Variants in PRH1 observed in about 807,000 individuals in gnomAD.
PRH1 encodes salivary acidic proline-rich phosphoprotein 1/2.
Under a neutral mutation model 7.9 loss-of-function variants are expected in PRH1, and 7 were observed. That is an observed-to-expected ratio of 0.89 (90% confidence interval 0.50 to 1.67). PRH1 has a LOEUF of 1.67. PRH1 is among the 40% of genes most tolerant of loss of function. The probability of loss-of-function intolerance (pLI) is 0.00; values close to 1 mark genes in which losing one functional copy is unlikely to be tolerated. For synonymous variants in PRH1, 45 were observed against 80.8 expected, an observed-to-expected ratio of 0.56 and a Z score of 2.38; for missense variants, 109 against 223.6, an observed-to-expected ratio of 0.49 and a Z score of 3.27.
At chr12:11,049,167 T>TAA, upstream of PRH1, 1 of 397,632 alleles carries the variant, frequency 2.5e-6, no homozygotes, top group Non-Finnish European at 3.6e-6. Flanking sequence ...CAAGGACACC[T>TAA]ACTAGAGCTA....
chr12:10,970,026 T>C (rs1329748527), intron 2 of PRH1, among the ~76,000 whole-genome samples: 1 of 152,162 alleles, frequency 6.6e-6, no homozygotes, highest in Non-Finnish European at 1.5e-5. Context: ...AGTCTTGAAC[T>C]CCTGACCTCA....
intron 1 of PRH1, chr12:10,997,626 T>A: frequency 6.2e-7 from 1 of 1,613,790 alleles, no homozygotes; most frequent in South Asian, 1.1e-5. Context: ...GCATTAGAAA[T>A]AAAAATTATT....
intron 2 of PRH1, among the ~76,000 whole-genome samples, chr12:10,969,117 G>A (rs1407251410): frequency 6.6e-6 from 1 of 152,214 alleles, no homozygotes; most frequent in Non-Finnish European, 1.5e-5. Context: ...AGGAAGGGGA[G>A]CTGGAAAGGG....
chr12:11,133,159 T>C, intron 1 of PRH1: 1 of 1,169,600 alleles, frequency 8.5e-7, no homozygotes, highest in Non-Finnish European at 1.1e-6. Flanking sequence ...ATATATGTAC[T>C]TTTCTAGACT....
At chr12:11,170,017 C>A (rs531516178) in intron 1 of PRH1, among the ~76,000 whole-genome samples, 1 of 152,156 alleles carries the variant, frequency 6.6e-6, no homozygotes, top group South Asian at 2.1e-4. Flanking sequence ...GTGCACGGTG[C>A]GATGTGTGGT....
intron 1 of PRH1, among the ~76,000 whole-genome samples, chr12:11,087,690 C>A (rs113245961): frequency 2.2e-3 from 209 of 96,230 alleles, no homozygotes; most frequent in East Asian, 4.6e-3. Flanking sequence ...AAAACACTTG[C>A]AAGTTACAGG....
Position 11,082,302 on chromosome 12 carries a change from G to C in PRH1, n.124-35114C>G, listed in dbSNP as rs1192027296. On this transcript the variant is annotated intron_variant and non_coding_transcript_variant, in intron 1 of 4. Transcript: ENST00000541977. ...GAGAACACTATTATTCTTCCTCATA[G>C]ATACACAATTTTTTTTTTCGAGATG... Among the ~76,000 whole-genome samples the C allele has an allele frequency of 1.8e-5, 2 of 114,028 alleles. 1 individual carries two copies. Among genetic ancestry groups the C allele is most frequent in the Admixed American group, 1.8e-4 (2 of 11,250 alleles). The allele number at this position is 114,028 out of a possible 152,430, so 74.8% of individuals were successfully genotyped here.
In PRH1 at chr12:11,147,555, C is replaced by T. The variant is rs899307029; in HGVS notation, n.39+23867G>A. ...ATAGATACACTGTTTTTTGGTAAATCGATGTTATATGAAGAACCTTGTTAT... is the reference window on the plus strand; with the variant it reads ...ATAGATACACTGTTTTTTGGTAAATTGATGTTATATGAAGAACCTTGTTAT... On this transcript the variant is annotated intron_variant and non_coding_transcript_variant, in intron 1 of 1. Transcript: ENST00000541175. Among the ~76,000 whole-genome samples the T allele has an allele frequency of 2.0e-5, 3 of 152,042 alleles. No homozygotes were observed. The South Asian group carries it at 6.2e-4, about 32-fold the overall frequency.
intron 2 of PRH1, among the ~76,000 whole-genome samples, chr12:10,971,039 T>C (rs762406810): frequency 1.8e-4 from 26 of 145,644 alleles, no homozygotes; most frequent in Non-Finnish European, 3.8e-4. Context: ...GAACATAGCA[T>C]ACAGACAGAA....
chr12:11,063,147 G>A (rs1471001574), intron 1 of PRH1, among the ~76,000 whole-genome samples: 1 of 151,966 alleles, frequency 6.6e-6, no homozygotes, highest in East Asian at 1.9e-4. Flanking sequence ...CAAGACTAAT[G>A]TTTAAATATT....
rs1447599116 is a variant in PRH1 at position 11,091,113 on chromosome 12, C to CATATATATATATATAT, written n.124-43926_124-43925insATATATATATATATAT. 3.7e-3 allele frequency among the ~76,000 whole-genome samples: 21 copies of CATATATATATATATAT among 5,648 alleles called. 1 individual carries two copies. The highest frequency in any genetic ancestry group is 5.2e-3 in the African/African-American group (20 of 3,830). 3.7% of individuals were successfully genotyped at this position (5,648 alleles called of 152,430 possible). On this transcript the variant is annotated intron_variant and non_coding_transcript_variant, in intron 1 of 4. Coordinates refer to the PRH1 transcript ENST00000541977. ...ATACACAAATACACACACACACACA[C>CATATATATATATATAT]ACATATATATATATATATATATATA...
intron 1 of PRH1, chr12:10,996,914 G>C: frequency 6.5e-7 from 1 of 1,532,358 alleles, no homozygotes; most frequent in African/African-American, 1.4e-5. Context: ...TTTGTTTTCT[G>C]CTAGAAAACA....
chr12:10,937,876 C>T (rs896187210), intron 2 of PRH1: 1 of 161,148 alleles, frequency 6.2e-6, no homozygotes, highest in Non-Finnish European at 1.3e-5. Context: ...ATTCCATATT[C>T]TTTTATGTAC....
In PRH1 at chr12:10,884,253, G is replaced by T. The variant is rs762766154; in HGVS notation, c.-36C>A. The T allele has an allele frequency of 2.5e-6, 4 of 1,614,012 alleles. No homozygotes were observed. The South Asian group carries it at 4.4e-5, about 18-fold the overall frequency. ...GCTCTGGTGTCACTCCCAACTTTGT[G>T]CTGGGAGAAACGTGTCAGCTCCCTT... is the stretch of plus-strand genomic sequence containing the variant. On this transcript the variant is annotated 5_prime_UTR_variant, in exon 1 of 4. Transcript: ENST00000543626.
intron 2 of PRH1, among the ~76,000 whole-genome samples, chr12:10,913,454 C>CA (rs34139542): frequency 0.48 from 70,363 of 146,090 alleles, 18,505 homozygotes; most frequent in East Asian, 0.72. Context: ...GACTCCGTCT[C>CA]AAAAAAAAAA....
At chr12:11,097,919 AT>A (rs67661770) in intron 1 of PRH1, among the ~76,000 whole-genome samples, 47,717 of 99,306 alleles carry the variant, frequency 0.48, 20,098 homozygotes, top group East Asian at 0.94. Context: ...CTCACATGGT[AT>A]TTCATCAAGA....
chr12:11,050,858 C>T (rs987579543), upstream of PRH1, among the ~76,000 whole-genome samples: 3 of 152,216 alleles, frequency 2.0e-5, no homozygotes, highest in Non-Finnish European at 4.4e-5. Flanking sequence ...TTTCCATTCA[C>T]CGTGAGAACA....
intron 1 of PRH1, chr12:11,134,578 G>C: frequency 3.8e-6 from 1 of 263,448 alleles, no homozygotes; most frequent in Non-Finnish European, 7.2e-6. Flanking sequence ...TGCAAACAAG[G>C]ACATGTTCAC....
chr12:10,882,277 C>T lies in PRH1; in HGVS notation c.522G>A (p.Gly174=), dbSNP rs1355875838. 6.2e-6 allele frequency: 10 copies of T among 1,612,796 alleles called. No individual in the cohort carries two copies. Among genetic ancestry groups the T allele is most frequent in the Non-Finnish European group, 8.5e-6 (10 of 1,179,624 alleles). ...CCTGTGGAGGTCCTTGTGGGCGGCC[C>T]CCTTGGGGAGGTGGTCCCTGGGGCT... is the stretch of plus-strand genomic sequence containing the variant. ...PGKPQGPPPQ[G]GRPQGPPQGQ... Residue 174 remains glycine (G), a synonymous_variant, in exon 3 of 4, where the codon GGG becomes GGA. Coordinates refer to ENST00000543626, the MANE Select transcript of PRH1 (RefSeq NM_001393989.1).
Sources: allele counts gnomAD v4.1 joint callset (sites outside exome capture counted in the v4.1 genomes callset), GRCh38; gene constraint gnomAD v4.1.1; transcripts MANE v1.5; gene names NCBI Gene and HGNC (gene_info 2026-07-23, HGNC 2026-07-21).